MYO1E: variants seen among roughly 807,000 people sequenced by gnomAD.
MYO1E encodes the protein myosin IE.
A neutral mutation model predicts 151.1 loss-of-function variants in MYO1E; 68 were observed. The observed-to-expected ratio is 0.45, with a 90% CI of 0.37 to 0.55. The LOEUF is 0.55. Among genes scored for constraint, MYO1E ranks in the 20% least tolerant of loss-of-function variants. The pLI is 0.00. For missense variants in MYO1E, 1,363 were observed against 1,389.3 expected (o/e 0.98, Z 0.30); for synonymous variants, 601 against 501.7 (o/e 1.20, Z -2.64).
chr15:59,274,853 T>C (rs2080308805), intron 1 of MYO1E, among the ~76,000 whole-genome samples: 1 of 152,188 alleles, frequency 6.6e-6, no homozygotes, highest in Non-Finnish European at 1.5e-5. Flanking sequence ...GTTCATTGAT[T>C]CTCATAGTTC....
intron 1 of MYO1E, among the ~76,000 whole-genome samples, chr15:59,302,670 C>A (rs1291031715): frequency 6.6e-6 from 1 of 152,178 alleles, no homozygotes; most frequent in African/African-American, 2.4e-5. Context: ...CTCTGAATCT[C>A]CAGAGTCCAT....
intron 1 of MYO1E, among the ~76,000 whole-genome samples, chr15:59,278,193 A>G (rs902956833): frequency 1.3e-5 from 2 of 152,194 alleles, no homozygotes; most frequent in African/African-American, 4.8e-5. Context: ...TGTCTGAGCC[A>G]TTTAGTTGGC....
At chr15:59,196,282 T>C (rs1169717630) in intron 16 of MYO1E, among the ~76,000 whole-genome samples, 2 of 152,112 alleles carry the variant, frequency 1.3e-5, no homozygotes, top group Non-Finnish European at 2.9e-5. Flanking sequence ...GTACTCAAAG[T>C]AGAACTGGAT....
At chr15:59,169,087 T>C (rs1197849207) in intron 22 of MYO1E, among the ~76,000 whole-genome samples, 1 of 152,138 alleles carries the variant, frequency 6.6e-6, no homozygotes, top group African/African-American at 2.4e-5. Flanking sequence ...TACTGAATGG[T>C]TGGTTGGTTT....
Position 59,217,977 on chromosome 15 carries a change from C to T in MYO1E, c.1021G>A (p.Val341Met), listed in dbSNP as rs767903303. ...KWGGKSESIHVTLNVEQACYT... is the reference protein window; with the variant it reads ...KWGGKSESIHMTLNVEQACYT... ...CAGGCCTGCTCTACGTTGAGGGTCA[C>T]GTGGATGGATTCGGATTTGCCTCCC... Residue 341 changes from valine (V) to methionine (M), a missense_variant, in exon 10 of 28, where the codon GTG (valine) becomes ATG (methionine). By Grantham distance (21) the Val-to-Met change is conservative. Coordinates refer to ENST00000288235, the MANE Select transcript of MYO1E (RefSeq NM_004998.4). The T allele has an allele frequency of 6.8e-6, 11 of 1,614,206 alleles. No homozygotes were observed. Among genetic ancestry groups the T allele is most frequent in the South Asian group, 2.2e-5 (2 of 91,082 alleles).
At chr15:59,259,989 T>C (rs1222315108) in intron 3 of MYO1E, among the ~76,000 whole-genome samples, 1 of 152,252 alleles carries the variant, frequency 6.6e-6, no homozygotes, top group Non-Finnish European at 1.5e-5. Flanking sequence ...TGTTTTATTA[T>C]TGCTGCAAGT....
At chr15:59,147,596 C>CAAAAAAAAAAAAA (rs748173480) in intron 26 of MYO1E, among the ~76,000 whole-genome samples, 26 of 66,004 alleles carry the variant, frequency 3.9e-4, no homozygotes, top group East Asian at 9.2e-4. Flanking sequence ...GACTCTGTCT[C>CAAAAAAAAAAAAA]AAAAAAAAAA....
At chr15:59,308,721 C>T (rs1428833303) in intron 1 of MYO1E, among the ~76,000 whole-genome samples, 1 of 114,528 alleles carries the variant, frequency 8.7e-6, no homozygotes, top group Non-Finnish European at 1.9e-5. Context: ...TGCCCCTAAT[C>T]CCAGCTACTC....
intron 6 of MYO1E, among the ~76,000 whole-genome samples, chr15:59,230,289 C>G (rs1211381721): frequency 6.6e-6 from 1 of 151,006 alleles, no homozygotes; most frequent in Non-Finnish European, 1.5e-5. Flanking sequence ...CTCTTCCAAT[C>G]TTTCTATCAG....
At chr15:59,209,130 G>A in intron 13 of MYO1E, 1 of 471,080 alleles carries the variant, frequency 2.1e-6, no homozygotes, top group South Asian at 2.9e-5. Context: ...TCATAGTCAT[G>A]CCAAATTGAC....
intron 1 of MYO1E, among the ~76,000 whole-genome samples, chr15:59,321,503 A>G (rs773451003): frequency 5.3e-5 from 8 of 152,252 alleles, no homozygotes; most frequent in Non-Finnish European, 8.8e-5. Context: ...ATGCAGCCAT[A>G]AAGAAGAGCG....
At position 59,231,857 on chromosome 15, in the gene MYO1E, T is replaced by C. The variant is rs7165587; in HGVS notation, c.421-66A>G. The C allele has an allele frequency of 0.99, 1,539,066 of 1,552,154 alleles. 763,939 individuals carry two copies. Among genetic ancestry groups the C allele is most frequent in the East Asian group, 1 (44,504 of 44,504 alleles). On this transcript the variant is annotated intron_variant, in intron 5 of 27. Transcript: ENST00000288235. ...ACCTACCACACAGTGTACGCCAAAC[T>C]TTCTCTAAGGACCTGGTTTCTGAAT...
intron 18 of MYO1E, among the ~76,000 whole-genome samples, chr15:59,182,027 G>A (rs1040301456): frequency 1.8e-4 from 27 of 152,298 alleles, no homozygotes; most frequent in South Asian, 6.2e-4. Flanking sequence ...AGACTCATGC[G>A]TCTTATGGAA....
rs1265508722 is a variant in MYO1E at position 59,202,390 on chromosome 15, A to G, written c.1634T>C (p.Leu545Ser). The G allele has an allele frequency of 1.2e-6, 2 of 1,614,118 alleles. No homozygotes were observed. Among genetic ancestry groups the G allele is most frequent in the Non-Finnish European group, 1.7e-6 (2 of 1,179,940 alleles). ...QSSELPFIKS[L>S]FPENLQADKK... ...GTCAGCCTGCAGATTTTCCGGAAATAAAGACTTTATGAAAGGCCTGGAAAA... is the reference window on the plus strand; with the variant it reads ...GTCAGCCTGCAGATTTTCCGGAAATGAAGACTTTATGAAAGGCCTGGAAAA... Residue 545 changes from leucine to serine, a missense_variant, in exon 16 of 28, where the codon TTA (leucine) becomes TCA (serine). Physicochemically the swap from Leu to Ser is moderately radical, Grantham distance 145. Transcript: ENST00000288235.
At chr15:59,277,887 A>G (rs186721020) in intron 1 of MYO1E, among the ~76,000 whole-genome samples, 192 of 152,342 alleles carry the variant, frequency 1.3e-3, no homozygotes, top group Admixed American at 1.5e-3. Context: ...CATGTTTGCT[A>G]TAATTGTTTT....
intron 2 of MYO1E, among the ~76,000 whole-genome samples, chr15:59,265,792 TAAAAAAAAAAAA>T (rs59957325): frequency 9.4e-6 from 1 of 106,330 alleles, no homozygotes; most frequent in African/African-American, 3.6e-5. Context: ...CCCATCTCCT[TAAAAAAAAAAAA>T]AAAAAAAAAA....
intron 1 of MYO1E, among the ~76,000 whole-genome samples, chr15:59,278,524 T>C (rs1227734877): frequency 6.6e-5 from 10 of 152,244 alleles, no homozygotes; most frequent in Non-Finnish European, 1.3e-4. Context: ...CCAAAAATAT[T>C]TGTCTGTCTG....
intron 16 of MYO1E, among the ~76,000 whole-genome samples, chr15:59,196,098 C>G (rs760108220): frequency 1.3e-5 from 2 of 152,146 alleles, no homozygotes; most frequent in Non-Finnish European, 2.9e-5. Context: ...ATGGGAGATT[C>G]ATAAAAATCT....
chr15:59,227,725 C>A, intron 6 of MYO1E, 135 bp from the exon 7 acceptor site: 1 of 1,218,006 alleles, frequency 8.2e-7, no homozygotes, highest in Non-Finnish European at 1.2e-6. Flanking sequence ...TAATTTGAGT[C>A]TAGACTTCCT....
Sources: gnomAD v4.1 joint callset for allele counts (sites outside exome capture counted in the v4.1 genomes callset) on GRCh38, gnomAD v4.1.1 for gene constraint, MANE v1.5 for transcripts, NCBI Gene and HGNC (gene_info 2026-07-23, HGNC 2026-07-21) for gene names.